LRFN2: variants seen among roughly 807,000 people sequenced by gnomAD.
LRFN2 encodes the protein leucine rich repeat and fibronectin type III domain containing 2, also known as leucine-rich repeat and fibronectin type-III domain-containing protein 2.
A neutral mutation model predicts 37.3 loss-of-function variants in LRFN2; 18 were observed. That is an observed-to-expected ratio of 0.48 (90% CI 0.33 to 0.72). The LOEUF (loss-of-function observed/expected upper bound fraction) is 0.72. Among genes scored for constraint, LRFN2 ranks in the 30% least tolerant of loss-of-function variants. The pLI is 0.02. For synonymous variants in LRFN2, 556 were observed against 466.6 expected (o/e 1.19, Z -2.47); for missense variants, 1,006 against 1,060.7 (o/e 0.95, Z 0.72).
intron 1 of LRFN2, among the ~76,000 whole-genome samples, chr6:40,471,012 T>C (rs758283276): frequency 1.6e-4 from 24 of 152,200 alleles, no homozygotes; most frequent in Admixed American, 3.9e-4. Context: ...AGAAGGATGT[T>C]GGTACATCGG....
At chr6:40,539,213 A>G (rs1190848531) in intron 1 of LRFN2, among the ~76,000 whole-genome samples, 1 of 152,046 alleles carries the variant, frequency 6.6e-6, no homozygotes, top group African/African-American at 2.4e-5. Context: ...GCTGTTAGCC[A>G]CGGATATCTG....
At chr6:40,416,707 C>T (rs886206016) in intron 2 of LRFN2, among the ~76,000 whole-genome samples, 2 of 152,244 alleles carry the variant, frequency 1.3e-5, no homozygotes, top group African/African-American at 2.4e-5. Flanking sequence ...GAGGTCACCT[C>T]GTGACCCCTC....
intron 2 of LRFN2, among the ~76,000 whole-genome samples, chr6:40,414,348 G>A (rs1660267937): frequency 6.6e-6 from 1 of 152,108 alleles, no homozygotes; most frequent in East Asian, 1.9e-4. Flanking sequence ...GGGACACCTC[G>A]GGCAGGCTTC....
chr6:40,524,461 C>G lies in LRFN2; in HGVS notation c.-19+62480G>C, dbSNP rs182043228. Reference sequence around the variant, plus strand: ...CACACTCTCTCACTCACACACACACCCCTGCAGCCCTCATCTCTTGTCTCT... The same window carrying G: ...CACACTCTCTCACTCACACACACACGCCTGCAGCCCTCATCTCTTGTCTCT... On this transcript the variant is annotated intron_variant, in intron 1 of 2. Coordinates refer to ENST00000338305, the MANE Select transcript of LRFN2 (RefSeq NM_020737.3). 2.0e-5 allele frequency among the ~76,000 whole-genome samples: 3 copies of G among 151,454 alleles called. No homozygotes were observed. In the East Asian group the frequency reaches 5.9e-4, roughly 30 times the overall value.
intron 1 of LRFN2, among the ~76,000 whole-genome samples, chr6:40,478,918 A>G (rs576000097): frequency 6.6e-6 from 1 of 152,346 alleles, no homozygotes; most frequent in South Asian, 2.1e-4. Context: ...GTTAAACTGA[A>G]TTGAATCTAG....
rs975849412 is a variant in LRFN2 at position 40,556,474 on chromosome 6, G to T, written c.-19+30467C>A. ...GACAGAGGAAAGGGAAGGGGAGAGA[G>T]CCCCAGTGCAGTCACTCACAGAAGG... On this transcript the variant is annotated intron_variant, in intron 1 of 2. Transcript: ENST00000338305. Among the ~76,000 whole-genome samples, 11 of 152,142 alleles carry T rather than the reference G, an allele frequency of 7.2e-5. 1 individual carries two copies. Among genetic ancestry groups the T allele is most frequent in the Non-Finnish European group, 1.5e-4 (10 of 68,038 alleles).
intron 1 of LRFN2, among the ~76,000 whole-genome samples, chr6:40,535,737 G>T (rs913624270): frequency 6.6e-6 from 1 of 152,118 alleles, no homozygotes; most frequent in Non-Finnish European, 1.5e-5. Context: ...AGGAAGGGGT[G>T]CAGGCCCCAC....
chr6:40,576,113 T>C (rs1025610618), intron 1 of LRFN2, among the ~76,000 whole-genome samples: 3 of 152,200 alleles, frequency 2.0e-5, no homozygotes, highest in African/African-American at 7.2e-5. Flanking sequence ...ACAAGTCTGC[T>C]TGCCCTACTT....
At chr6:40,403,092 C>T (rs1309281633) in intron 2 of LRFN2, among the ~76,000 whole-genome samples, 1 of 152,156 alleles carries the variant, frequency 6.6e-6, no homozygotes, top group Non-Finnish European at 1.5e-5. Flanking sequence ...CTCTTTGTTC[C>T]AACTCTGAGA....
At chr6:40,493,204 C>T (rs982587265) in intron 1 of LRFN2, among the ~76,000 whole-genome samples, 1 of 151,974 alleles carries the variant, frequency 6.6e-6, no homozygotes, top group African/African-American at 2.4e-5. Flanking sequence ...GAAGTGTGTC[C>T]CTCTATAGAT....
rs1007294961 is a variant in LRFN2 at position 40,391,619 on chromosome 6, AAAC to A, written c.*321_*323del. 4 of 249,600 alleles carry A rather than the reference AAAC, an allele frequency of 1.6e-5. No homozygotes were observed. The highest frequency in any genetic ancestry group is 7.4e-5 in the East Asian group (1 of 13,474). The allele number at this position is 249,600 out of a possible 1,614,324, so 15.5% of individuals were successfully genotyped here. ...GGAAAAAAAATAAATTAAGAAATAAAAACAACACTAGACCCATAAGCAATCCAA... is the reference window on the plus strand; with the variant it reads ...GGAAAAAAAATAAATTAAGAAATAAAAACACTAGACCCATAAGCAATCCAA... On this transcript the variant is annotated 3_prime_UTR_variant, in exon 3 of 3. Transcript: ENST00000338305.
intron 2 of LRFN2, among the ~76,000 whole-genome samples, chr6:40,430,050 C>T (rs1763443704): frequency 6.6e-6 from 1 of 152,162 alleles, no homozygotes; most frequent in African/African-American, 2.4e-5. Context: ...TCAGTAAAGA[C>T]TATGACTTTT....
At chr6:40,401,594 A>T (rs1371756223) in intron 2 of LRFN2, among the ~76,000 whole-genome samples, 2 of 152,124 alleles carry the variant, frequency 1.3e-5, no homozygotes, top group African/African-American at 2.4e-5. Flanking sequence ...GCCTCCCCTG[A>T]CTAACAGACA....
At chr6:40,547,835 G>A (rs1766694699) in intron 1 of LRFN2, among the ~76,000 whole-genome samples, 1 of 152,128 alleles carries the variant, frequency 6.6e-6, no homozygotes, top group African/African-American at 2.4e-5. Flanking sequence ...CTCCCTCCAA[G>A]TTTAGGGGAG....
At chr6:40,550,864 A>T (rs1766763405) in intron 1 of LRFN2, among the ~76,000 whole-genome samples, 1 of 151,818 alleles carries the variant, frequency 6.6e-6, no homozygotes, top group Admixed American at 6.6e-5. Context: ...ACTAAGTAAA[A>T]CTCCACAGCG....
At chr6:40,497,378 C>T (rs935437285) in intron 1 of LRFN2, among the ~76,000 whole-genome samples, 1 of 152,154 alleles carries the variant, frequency 6.6e-6, no homozygotes, top group Non-Finnish European at 1.5e-5. Flanking sequence ...GGCTCTACAT[C>T]GTCTTTTCTG....
chr6:40,519,582 C>T (rs1765989928), intron 1 of LRFN2, among the ~76,000 whole-genome samples: 1 of 152,210 alleles, frequency 6.6e-6, no homozygotes, highest in Non-Finnish European at 1.5e-5. Context: ...ATGCGTGGCC[C>T]AGCCTGCTGG....
chr6:40,540,776 C>T (rs989673481), intron 1 of LRFN2, among the ~76,000 whole-genome samples: 1 of 152,208 alleles, frequency 6.6e-6, no homozygotes, highest in Non-Finnish European at 1.5e-5. Flanking sequence ...GGGACACACA[C>T]ACCACGGCCC....
rs1767519271 is a variant in LRFN2 at position 40,587,147 on chromosome 6, G to A, written c.-225C>T. 1 of 152,192 alleles carries A rather than the reference G, an allele frequency of 6.6e-6. No individual in the cohort carries two copies. The highest frequency in any genetic ancestry group is 1.5e-5 in the Non-Finnish European group (1 of 68,042). The allele number at this position is 152,192 out of a possible 1,614,324, so 9.4% of individuals were successfully genotyped here. On this transcript the variant is annotated 5_prime_UTR_variant, in exon 1 of 3. Transcript: ENST00000338305. This position sits in a 1 kb window ranked among gnomAD's most constrained non-coding sequence, Gnocchi z 4.2. ...GAGCCGCTTATTCAGTTATATCCAT[G>A]GCATTTAGCAAGAAGAAGGGGGGAA...
Sources: allele counts gnomAD v4.1 joint callset (sites outside exome capture counted in the v4.1 genomes callset), GRCh38; gene constraint gnomAD v4.1.1; non-coding constraint Gnocchi (gnomAD v3.1); transcripts MANE v1.5; gene names NCBI Gene and HGNC (gene_info 2026-07-23, HGNC 2026-07-21).